Variants in SEMA3D observed in about 807,000 individuals in gnomAD.
SEMA3D encodes the protein semaphorin 3D.
SEMA3D carries 84 observed loss-of-function variants against 100.1 expected under a neutral mutation model. That is an observed-to-expected ratio of 0.84 (90% CI 0.70 to 1.01). The LOEUF is 1.01. SEMA3D is among the 50% of genes least tolerant of loss of function. The pLI, the probability that SEMA3D is intolerant of heterozygous loss-of-function variation, is 0.00. For synonymous variants in SEMA3D, 312 were observed against 320.7 expected, an observed-to-expected ratio of 0.97 and a Z score of 0.29; for missense variants, 875 against 934.1, an observed-to-expected ratio of 0.94 and a Z score of 0.82.
chr7:85,040,863 A>G (rs957972985), intron 10 of SEMA3D, 121 bp from the exon 11 acceptor site: 8 of 580,120 alleles, frequency 1.4e-5, no homozygotes, highest in Admixed American at 1.0e-4. Context: ...GAGGCACTAT[A>G]TTATGCCTTG....
chr7:85,204,312 G>T, the SEMA3D span, among the ~76,000 whole-genome samples: 6 of 145,082 alleles, frequency 4.1e-5, no homozygotes, highest in Non-Finnish European at 9.0e-5. Context: ...TGAATGAATA[G>T]ACCTTTTAAA....
chr7:85,204,035 G>T, the SEMA3D span, among the ~76,000 whole-genome samples: 1 of 151,762 alleles, frequency 6.6e-6, no homozygotes, highest in African/African-American at 2.4e-5. Context: ...AAAATTACAT[G>T]TCCTATATAT....
At chr7:85,138,652 T>G (rs1230733550) in intron 2 of SEMA3D, among the ~76,000 whole-genome samples, 1 of 89,318 alleles carries the variant, frequency 1.1e-5, no homozygotes, top group Non-Finnish European at 2.0e-5. Context: ...ATATATTTAA[T>G]TTAATATATA....
rs554167634 is a variant in SEMA3D, at chr7:85,100,518, C to T, written c.152-2553G>A. On this transcript the variant is annotated intron_variant, in intron 3 of 18. Coordinates refer to ENST00000284136, the MANE Select transcript of SEMA3D (RefSeq NM_001384900.1). The stretch of plus-strand genomic sequence containing the variant: ...TCATTTTATTAAAGCCCATTATATG[C>T]TATCTGACTTTTAACCAATTCATTA... Among the ~76,000 whole-genome samples, 67 of 151,730 alleles carry T rather than the reference C, an allele frequency of 4.4e-4. 1 individual carries two copies. The highest frequency in any genetic ancestry group is 1.6e-3 in the African/African-American group (67 of 41,350).
the SEMA3D span, among the ~76,000 whole-genome samples, chr7:85,234,885 T>A: frequency 1.3e-5 from 2 of 152,170 alleles, no homozygotes; most frequent in African/African-American, 4.8e-5. Flanking sequence ...CTGCCCAGAT[T>A]TCTGTCAGAT....
intron 5 of SEMA3D, among the ~76,000 whole-genome samples, chr7:85,080,223 A>G (rs1788013037): frequency 1.3e-5 from 2 of 152,138 alleles, no homozygotes. Flanking sequence ...CAGTATCTGT[A>G]TCCCCCATTA....
intron 2 of SEMA3D, among the ~76,000 whole-genome samples, chr7:85,126,852 A>C (rs1789585652): frequency 6.6e-6 from 1 of 152,172 alleles, no homozygotes; most frequent in African/African-American, 2.4e-5. Flanking sequence ...ATAATATCAA[A>C]GTAGGATTCA....
intron 16 of SEMA3D, among the ~76,000 whole-genome samples, chr7:85,013,447 A>G (rs543396563): frequency 6.6e-6 from 1 of 151,880 alleles, no homozygotes; most frequent in Admixed American, 6.6e-5. Context: ...CATAATAATA[A>G]TAATAAACAA....
intron 7 of SEMA3D, among the ~76,000 whole-genome samples, chr7:85,066,849 A>G (rs1490885108): frequency 6.6e-6 from 1 of 151,210 alleles, no homozygotes. Context: ...GGATAATTCA[A>G]CCTTAAGAAT....
At chr7:85,079,472 C>A (rs1787988997) in intron 5 of SEMA3D, among the ~76,000 whole-genome samples, 1 of 152,138 alleles carries the variant, frequency 6.6e-6, no homozygotes, top group African/African-American at 2.4e-5. Context: ...TACTAGCTCA[C>A]AATTATGACT....
At chr7:85,192,990 A>G in the SEMA3D span, among the ~76,000 whole-genome samples, 1 of 152,202 alleles carries the variant, frequency 6.6e-6, no homozygotes, top group Non-Finnish European at 1.5e-5. Context: ...TAATTACAAA[A>G]GATGATAACA....
chr7:85,026,134 G>A (rs1275063257), intron 12 of SEMA3D, among the ~76,000 whole-genome samples: 2 of 151,952 alleles, frequency 1.3e-5, no homozygotes, highest in African/African-American at 4.8e-5. Context: ...TTTGTGATAC[G>A]TGTCCTTTAG....
At position 85,095,649 on chromosome 7, in the gene SEMA3D, A is replaced by G. The variant is rs142240327; in HGVS notation, c.312+2156T>C. On this transcript the variant is annotated intron_variant, in intron 4 of 18. Transcript: ENST00000284136. ...TGTGCTACTGTGGAGTATCTTTAGC[A>G]ATAGAGTGATTTATATAAATTGGAA... 1.5e-3 allele frequency among the ~76,000 whole-genome samples: 223 copies of G among 152,180 alleles called. 2 individuals carry two copies. The highest frequency in any genetic ancestry group is 5.2e-3 in the African/African-American group (217 of 41,554).
upstream of SEMA3D, among the ~76,000 whole-genome samples, chr7:85,187,409 C>T (rs143341707): frequency 3.5e-4 from 54 of 152,260 alleles, no homozygotes; most frequent in African/African-American, 1.3e-3. Flanking sequence ...AAATGCTAAT[C>T]CCACAAAACA....
Position 85,020,221 on chromosome 7 carries a change from A to C in SEMA3D, c.1503+12T>G, listed in dbSNP as rs756576626. 9.5e-6 allele frequency: 15 copies of C among 1,582,060 alleles called. No individual in the cohort carries two copies. The South Asian group carries it at 1.7e-4, about 18-fold the overall frequency. ...AACATCTTTTCTCCTGGCACTCTGG[A>C]CTGAGTCTTACCTTGAATATCTGCA... is the stretch of plus-strand genomic sequence containing the variant. On this transcript the variant is annotated intron_variant, in intron 14 of 18. Transcript: ENST00000284136.
At chr7:85,096,889 T>C (rs936354819) in intron 4 of SEMA3D, among the ~76,000 whole-genome samples, 1 of 151,868 alleles carries the variant, frequency 6.6e-6, no homozygotes, top group Non-Finnish European at 1.5e-5. Flanking sequence ...TAAATAATTC[T>C]CTTTGAAGAA....
At chr7:85,087,064 G>A (rs1328649426) in intron 4 of SEMA3D, among the ~76,000 whole-genome samples, 1 of 152,142 alleles carries the variant, frequency 6.6e-6, no homozygotes, top group Non-Finnish European at 1.5e-5. Flanking sequence ...TTCTTACACT[G>A]TAGTGTGTCT....
At chr7:85,014,241 T>C (rs562786281) in intron 16 of SEMA3D, among the ~76,000 whole-genome samples, 3 of 151,896 alleles carry the variant, frequency 2.0e-5, no homozygotes, top group Admixed American at 1.3e-4. Context: ...TAAATTTGCT[T>C]ACATTTCACC....
At chr7:85,069,973 T>C (rs1234870415) in intron 6 of SEMA3D, among the ~76,000 whole-genome samples, 1 of 152,250 alleles carries the variant, frequency 6.6e-6, no homozygotes, top group East Asian at 1.9e-4. Flanking sequence ...GTTAAGTGAC[T>C]AGAATGAAGC....
Sources: gnomAD v4.1 joint callset for allele counts (sites outside exome capture counted in the v4.1 genomes callset) on GRCh38, gnomAD v4.1.1 for gene constraint, MANE v1.5 for transcripts, NCBI Gene and HGNC (gene_info 2026-07-23, HGNC 2026-07-21) for gene names.